SPAG9: variants seen among roughly 807,000 people sequenced by gnomAD.
SPAG9 encodes the protein C-Jun-amino-terminal kinase-interacting protein 4.
Under a neutral mutation model 166.5 loss-of-function variants are expected in SPAG9, and 35 were observed. The ratio of observed to expected loss-of-function variants is 0.21; its 90% CI spans 0.16 to 0.28. The LOEUF (loss-of-function observed/expected upper bound fraction) is 0.28. Ranked by LOEUF, SPAG9 falls within the 10% of genes least tolerant of loss-of-function variation. The pLI is 1.00. For missense variants in SPAG9, 1,235 were observed against 1,603.3 expected, an observed-to-expected ratio of 0.77 and a Z score of 3.92; for synonymous variants, 534 against 565.5, an observed-to-expected ratio of 0.94 and a Z score of 0.79.
intron 6 of SPAG9, among the ~76,000 whole-genome samples, chr17:51,028,641 A>G (rs1483754252): frequency 3.9e-5 from 6 of 152,200 alleles, no homozygotes; most frequent in Non-Finnish European, 8.8e-5. Flanking sequence ...TGATGTTCCT[A>G]CAACAAAATC....
intron 2 of SPAG9, among the ~76,000 whole-genome samples, chr17:51,064,981 G>C (rs2047620689): frequency 6.6e-6 from 1 of 151,948 alleles, no homozygotes; most frequent in African/African-American, 2.4e-5. Flanking sequence ...AAATTAGCTG[G>C]GCATGGTGGC....
At chr17:51,015,076 A>C (rs996470508) in intron 8 of SPAG9, among the ~76,000 whole-genome samples, 2 of 152,202 alleles carry the variant, frequency 1.3e-5, no homozygotes, top group African/African-American at 4.8e-5. Context: ...GAAATTAAAA[A>C]GGTATACACC....
At chr17:51,040,599 A>T (rs184372509) in intron 5 of SPAG9, 1 of 152,214 alleles carries the variant, frequency 6.6e-6, no homozygotes, top group Non-Finnish European at 1.5e-5. Flanking sequence ...CACTTTTCCA[A>T]GTGCTGGGGG....
At chr17:51,116,834 TAG>T (rs1252580685) in intron 1 of SPAG9, among the ~76,000 whole-genome samples, 2 of 152,212 alleles carry the variant, frequency 1.3e-5, no homozygotes, top group Non-Finnish European at 2.9e-5. Flanking sequence ...TTATTCTGGA[TAG>T]AGTCAACAGG....
chr17:50,972,639 C>T (rs895575289), intron 28 of SPAG9, among the ~76,000 whole-genome samples: 8 of 152,216 alleles, frequency 5.3e-5, no homozygotes, highest in Non-Finnish European at 7.3e-5. Context: ...ACACAGACTG[C>T]GCCTCCAGGA....
At chr17:51,090,434 T>C (rs1455618522) in intron 1 of SPAG9, among the ~76,000 whole-genome samples, 1 of 152,130 alleles carries the variant, frequency 6.6e-6, no homozygotes, top group Admixed American at 6.6e-5. Context: ...GACAGGAGAA[T>C]TGCTTGAACC....
chr17:51,089,626 A>T (rs1374852654), intron 1 of SPAG9, among the ~76,000 whole-genome samples: 4 of 59,870 alleles, frequency 6.7e-5, no homozygotes, highest in African/African-American at 3.8e-4. Flanking sequence ...TATTTTATAT[A>T]TATATATATA....
At chr17:51,039,725 TAAAG>T (rs2046757169) in intron 5 of SPAG9, among the ~76,000 whole-genome samples, 1 of 152,146 alleles carries the variant, frequency 6.6e-6, no homozygotes, top group African/African-American at 2.4e-5. Flanking sequence ...GAGTAAAAAA[TAAAG>T]AGAATTATAA....
In SPAG9 at chr17:51,072,078, CTTTTT is replaced by C. The variant is rs372452480; in HGVS notation, c.424+7501_424+7505del. Among the ~76,000 whole-genome samples, 1,176 of 152,120 alleles carry C rather than the reference CTTTTT, an allele frequency of 7.7e-3. 5 individuals carry two copies. Among genetic ancestry groups the C allele is most frequent in the Non-Finnish European group, 0.013 (890 of 67,988 alleles). Reference sequence around the variant, plus strand: ...TACTTTGTCACAAAATTCATATTTTCTTTTTTTGTTTTAGACTGAGTCTTGCTTTA... The same window carrying C: ...TACTTTGTCACAAAATTCATATTTTCTTGTTTTAGACTGAGTCTTGCTTTA... On this transcript the variant is annotated intron_variant, in intron 2 of 29. Coordinates refer to ENST00000262013, the MANE Select transcript of SPAG9 (RefSeq NM_001130528.3).
intron 6 of SPAG9, among the ~76,000 whole-genome samples, chr17:51,026,374 G>A (rs1201764397): frequency 6.7e-6 from 1 of 149,498 alleles, no homozygotes; most frequent in Non-Finnish European, 1.5e-5. Context: ...ACCTAAAACA[G>A]GAAAGGGACC....
In SPAG9 at chr17:50,974,865, A is replaced by T. The variant is rs1974104162; in HGVS notation, c.3606T>A (p.Thr1202=). 1 of 1,612,730 alleles carries T rather than the reference A, an allele frequency of 6.2e-7. No homozygotes were observed. Among genetic ancestry groups the T allele is most frequent in the African/African-American group, 1.3e-5 (1 of 74,862 alleles). ...VYGDENSDKV[T]PGTFIPYCSM... The stretch of plus-strand genomic sequence containing the variant: ...AACAATAGGGTATAAATGTCCCTGG[A>T]GTCACTTTATCACTGTTTTCATCAC... The change falls in exon 28 of 30, where the codon ACT becomes ACA. Residue 1202 remains threonine, a synonymous_variant. Coordinates refer to ENST00000262013, the MANE Select transcript of SPAG9 (RefSeq NM_001130528.3).
Position 50,995,061 on chromosome 17 carries a change from A to G in SPAG9, c.2222T>C (p.Leu741Pro). ...AATGTTAGTACACACACTTACCTTA[A>G]GTTCCTGATCTAACTTATCTAAACT... ...QSSLDKLDQE[L>P]KEQQKELKNQ... Residue 741 changes from leucine to proline, a missense_variant, in exon 18 of 30, where the codon CTT becomes CCT. Leu to Pro is a moderately conservative substitution (Grantham distance 98). Coordinates refer to ENST00000262013, the MANE Select transcript of SPAG9 (RefSeq NM_001130528.3). 1 of 1,611,576 alleles carries G rather than the reference A, an allele frequency of 6.2e-7. No individual in the cohort carries two copies. Among genetic ancestry groups the G allele is most frequent in the Non-Finnish European group, 8.5e-7 (1 of 1,178,536 alleles).
chr17:50,978,961 A>C (rs1474134441), intron 26 of SPAG9, among the ~76,000 whole-genome samples: 1 of 152,180 alleles, frequency 6.6e-6, no homozygotes, highest in African/African-American at 2.4e-5. Flanking sequence ...ATAGTGGTAG[A>C]GATAAAGAAG....
intron 1 of SPAG9, among the ~76,000 whole-genome samples, chr17:51,091,932 A>C (rs2048477675): frequency 6.6e-6 from 1 of 150,730 alleles, no homozygotes; most frequent in African/African-American, 2.4e-5. Context: ...GTTTCGCCCC[A>C]CTGTTCTGGG....
chr17:51,108,338 A>C (rs2049011343), intron 1 of SPAG9, among the ~76,000 whole-genome samples: 1 of 151,240 alleles, frequency 6.6e-6, no homozygotes, highest in Non-Finnish European at 1.5e-5. Flanking sequence ...GGTGAGATGA[A>C]ATTGCACCAC....
chr17:51,085,989 C>T (rs1370665563), intron 1 of SPAG9, among the ~76,000 whole-genome samples: 8 of 99,144 alleles, frequency 8.1e-5, no homozygotes, highest in African/African-American at 3.3e-4. Context: ...TTTTTTGAGA[C>T]AGAGAGTCTC....
intron 1 of SPAG9, among the ~76,000 whole-genome samples, chr17:51,082,377 C>T (rs1260904349): frequency 8.2e-5 from 4 of 48,942 alleles, no homozygotes; most frequent in African/African-American, 1.5e-4. Context: ...AAGACTGTCT[C>T]AAAAAAAAAA....
intron 1 of SPAG9, among the ~76,000 whole-genome samples, chr17:51,102,507 A>ATT (rs533193631): frequency 6.8e-6 from 1 of 147,458 alleles, no homozygotes. Context: ...TTGTATGGAA[A>ATT]TTTTTTTTTT....
intron 3 of SPAG9, among the ~76,000 whole-genome samples, chr17:51,053,424 C>G (rs1022348100): frequency 6.6e-6 from 1 of 152,018 alleles, no homozygotes; most frequent in Non-Finnish European, 1.5e-5. Context: ...CGGTGGCTCA[C>G]GCCTGTAATC....
Sources: gnomAD v4.1 joint callset for allele counts (sites outside exome capture counted in the v4.1 genomes callset) on GRCh38, gnomAD v4.1.1 for gene constraint, MANE v1.5 for transcripts, NCBI Gene and HGNC (gene_info 2026-07-23, HGNC 2026-07-21) for gene names.